FCHO2: variants seen among roughly 807,000 people sequenced by gnomAD.
FCHO2 encodes the protein F-BAR domain only protein 2.
In FCHO2, 43 loss-of-function variants were observed where a neutral mutation model predicts 114.1. That is an observed-to-expected ratio of 0.38 (90% CI 0.30 to 0.49). FCHO2 has a LOEUF of 0.49. Ranked by LOEUF, FCHO2 falls within the 20% of genes least tolerant of loss-of-function variation. FCHO2 has a pLI of 0.97. For synonymous variants in FCHO2, 293 were observed against 315.2 expected (o/e 0.93, Z 0.75); for missense variants, 807 against 950.4 (o/e 0.85, Z 1.98).
intron 23 of FCHO2, 138 bp downstream of exon 23, chr5:73,082,120 A>G: frequency 1.5e-6 from 1 of 662,390 alleles, no homozygotes; most frequent in Non-Finnish European, 2.4e-6. Flanking sequence ...GCTGTAAAAG[A>G]TGCAGTTCAT....
intron 11 of FCHO2, among the ~76,000 whole-genome samples, chr5:73,044,252 G>A (rs1164502586): frequency 1.3e-5 from 2 of 152,056 alleles, no homozygotes; most frequent in Non-Finnish European, 2.9e-5. Flanking sequence ...TCTTGATAGC[G>A]ATGTGAGAAC....
At chr5:72,975,102 A>G (rs1752784251) in intron 2 of FCHO2, among the ~76,000 whole-genome samples, 1 of 152,156 alleles carries the variant, frequency 6.6e-6, no homozygotes, top group South Asian at 2.1e-4. Flanking sequence ...CTCTCTGACT[A>G]GGTCAAAAAC....
At chr5:73,038,587 A>G (rs1476646301) in intron 10 of FCHO2, among the ~76,000 whole-genome samples, 1 of 152,156 alleles carries the variant, frequency 6.6e-6, no homozygotes, top group African/African-American at 2.4e-5. Flanking sequence ...AACATAAGAG[A>G]ACAGTTTGTG....
chr5:73,068,567 T>C, intron 18 of FCHO2, 83 bp from the exon 19 acceptor site: 1 of 1,493,616 alleles, frequency 6.7e-7, no homozygotes, highest in South Asian at 1.3e-5. Context: ...TTTGGTATGT[T>C]AAATTTACCT....
At position 73,071,044 on chromosome 5, in the gene FCHO2, A is replaced by G. The variant is rs75651908; in HGVS notation, c.1579+2265A>G. ...CCAACTTTTCCTTTTCCAGAATTGT[A>G]TGATGTCTCAGAAATCAAGAATTAT... On this transcript the variant is annotated intron_variant, in intron 19 of 25. Coordinates refer to ENST00000430046, the MANE Select transcript of FCHO2 (RefSeq NM_138782.3). Among the ~76,000 whole-genome samples the G allele has an allele frequency of 1.8e-3, 281 of 152,150 alleles. 3 individuals carry two copies. The highest frequency in any genetic ancestry group is 6.4e-3 in the African/African-American group (264 of 41,540).
chr5:73,069,676 T>C (rs200713842), intron 19 of FCHO2, among the ~76,000 whole-genome samples: 40 of 109,022 alleles, frequency 3.7e-4, no homozygotes, highest in African/African-American at 1.3e-3. Context: ...TTCTCCTCCT[T>C]CTGTGCAGCT....
chr5:73,060,625 AT>A lies in FCHO2; in HGVS notation c.1345+2105del, dbSNP rs369665242. Among the ~76,000 whole-genome samples, 1,303 of 152,158 alleles carry A rather than the reference AT, an allele frequency of 8.6e-3. 11 individuals are homozygous for A. Among genetic ancestry groups the A allele is most frequent in the Non-Finnish European group, 0.012 (815 of 67,952 alleles). ...CCTCTACCCAGGTACCCATTTTAACATTTTAGCAAGGTCCAGGTTGTGAGAT... is the reference window on the plus strand; with the variant it reads ...CCTCTACCCAGGTACCCATTTTAACATTTAGCAAGGTCCAGGTTGTGAGAT... On this transcript the variant is annotated intron_variant, in intron 17 of 25. Transcript: ENST00000430046.
chr5:73,052,496 C>T lies in FCHO2; in HGVS notation c.1162C>T (p.Pro388Ser). Residue 388 changes from proline to serine, a missense_variant, in exon 13 of 26, where the codon CCA (proline) becomes TCA (serine). By Grantham distance (74) the Pro-to-Ser change is moderately conservative. Transcript: ENST00000430046. Reference sequence around the variant, plus strand: ...ATCTATAGGGAATATAACACTCTCCCCAGCAATATCTGTAAGTACAAACAC... The same window carrying T: ...ATCTATAGGGAATATAACACTCTCCTCAGCAATATCTGTAAGTACAAACAC... Reference protein sequence around the residue: ...KVSIGNITLSPAISRHSPVQM... With the variant: ...KVSIGNITLSSAISRHSPVQM... 6.3e-7 allele frequency: 1 copy of T among 1,587,746 alleles called. No individual in the cohort carries two copies. The highest frequency in any genetic ancestry group is 8.6e-7 in the Non-Finnish European group (1 of 1,166,122).
At chr5:72,977,271 A>G (rs1580027119) in intron 2 of FCHO2, among the ~76,000 whole-genome samples, 2 of 152,102 alleles carry the variant, frequency 1.3e-5, no homozygotes, top group South Asian at 4.1e-4. Flanking sequence ...GTTTCTCCAC[A>G]TTCTCTCCAG....
At chr5:72,997,158 T>A in intron 5 of FCHO2, 1 of 1,108,792 alleles carries the variant, frequency 9.0e-7, no homozygotes, top group Non-Finnish European at 1.4e-6. Flanking sequence ...GTCCTGAGGC[T>A]CACAGTCTGG....
intron 8 of FCHO2, among the ~76,000 whole-genome samples, chr5:73,019,370 A>C (rs192767565): frequency 5.5e-4 from 84 of 152,168 alleles, no homozygotes; most frequent in African/African-American, 2.0e-3. Flanking sequence ...ACATGGTGAA[A>C]CCCTCTACTG....
intron 19 of FCHO2, among the ~76,000 whole-genome samples, chr5:73,073,234 T>G (rs1172495199): frequency 2.0e-5 from 3 of 152,206 alleles, no homozygotes; most frequent in Admixed American, 6.6e-5. Context: ...CATTTTTCCC[T>G]TCAATCTAGG....
chr5:73,082,007 T>G (rs541326782), intron 23 of FCHO2, 25 bp downstream of exon 23: 1 of 1,408,668 alleles, frequency 7.1e-7, no homozygotes, highest in Non-Finnish European at 9.3e-7. Context: ...CGTTTCTGAA[T>G]TCCCACTAAA....
Position 73,078,284 on chromosome 5 carries a change from A to C in FCHO2, c.1952A>C (p.Tyr651Ser). 2 of 1,602,802 alleles carry C rather than the reference A, an allele frequency of 1.2e-6. No homozygotes were observed. Among genetic ancestry groups the C allele is most frequent in the Non-Finnish European group, 1.7e-6 (2 of 1,174,746 alleles). The part of the protein sequence containing the change: ...KLSEQNPAAS[Y>S]YNVDVLKYQV... ...TCAGAGCAAAATCCAGCTGCTTCTT[A>C]TTATAATGTAGATGTATTAAAGTAT... Residue 651 changes from tyrosine (Y) to serine (S), a missense_variant, in exon 22 of 26, where the codon TAT (tyrosine) becomes TCT (serine). Physicochemically the swap from Tyr to Ser is moderately radical, Grantham distance 144. Transcript: ENST00000430046.
intron 19 of FCHO2, 56 bp from the exon 20 acceptor site, chr5:73,074,686 G>A (rs1445426093): frequency 6.8e-7 from 1 of 1,460,350 alleles, no homozygotes; most frequent in African/African-American, 1.4e-5. Flanking sequence ...TAACTATCTT[G>A]ATATTTAATT....
chr5:72,985,249 C>T (rs1719151471), intron 2 of FCHO2, among the ~76,000 whole-genome samples: 1 of 152,082 alleles, frequency 6.6e-6, no homozygotes, highest in South Asian at 2.1e-4. Context: ...CAACCTCCAC[C>T]TCCCAGGTTC....
At chr5:73,072,626 CATT>C (rs1742712237) in intron 19 of FCHO2, among the ~76,000 whole-genome samples, 1 of 152,004 alleles carries the variant, frequency 6.6e-6, no homozygotes, top group Non-Finnish European at 1.5e-5. Context: ...ACCTTGAAGA[CATT>C]GTGCTAAGTT....
intron 23 of FCHO2, among the ~76,000 whole-genome samples, chr5:73,082,259 T>TC (rs1001965043): frequency 3.2e-5 from 2 of 62,514 alleles, no homozygotes; most frequent in African/African-American, 8.4e-5. Flanking sequence ...TCTCTAAACT[T>TC]CTTTTTTTTT....
At chr5:73,061,008 A>ACAC (rs1020486878) in intron 17 of FCHO2, among the ~76,000 whole-genome samples, 17 of 67,908 alleles carry the variant, frequency 2.5e-4, no homozygotes, top group African/African-American at 8.5e-4. Flanking sequence ...TTGTGCTCAC[A>ACAC]AAAAAAAAAA....
Sources: gnomAD v4.1 joint callset for allele counts (sites outside exome capture counted in the v4.1 genomes callset) on GRCh38, gnomAD v4.1.1 for gene constraint, MANE v1.5 for transcripts, NCBI Gene and HGNC (gene_info 2026-07-23, HGNC 2026-07-21) for gene names.